The following CRYBG2 variants were observed in gnomAD, a reference collection of about 807,000 sequenced individuals.
CRYBG2 encodes the protein beta/gamma crystallin domain-containing protein 2.
A neutral mutation model predicts 153.4 loss-of-function variants in CRYBG2; 106 were observed. The ratio of observed to expected loss-of-function variants is 0.69; its 90% CI spans 0.59 to 0.81. The LOEUF (loss-of-function observed/expected upper bound fraction) is 0.81. Ranked by LOEUF, CRYBG2 falls within the 30% of genes least tolerant of loss-of-function variation. The pLI, the probability that CRYBG2 is intolerant of heterozygous loss-of-function variation, is 0.00. For synonymous variants in CRYBG2, 851 were observed against 877.8 expected (o/e 0.97, Z 0.54); for missense variants, 1,996 against 2,112.0 (o/e 0.95, Z 1.08).
At position 26,339,303 on chromosome 1, in the gene CRYBG2, C is replaced by G; in HGVS notation, c.3331G>C (p.Val1111Leu). ...EKPLQVASAT[V>L]SAGLWLLYPK... is the part of the protein sequence containing the mutation. Reference sequence around the variant, plus strand: ...GACCAGACTCACAGTCCTGCAGAGACGGTGGCAGATGCCACCTGCAGGGGC... The same window carrying G: ...GACCAGACTCACAGTCCTGCAGAGAGGGTGGCAGATGCCACCTGCAGGGGC... Residue 1111 changes from valine (V) to leucine (L), a missense_variant, in exon 6 of 20, where the codon GTC becomes CTC. Val to Leu is a conservative substitution (Grantham distance 32, BLOSUM62 1). Transcript: ENST00000308182. 1.2e-6 allele frequency: 2 copies of G among 1,613,930 alleles called. No homozygotes were observed. The highest frequency in any genetic ancestry group is 1.1e-5 in the South Asian group (1 of 91,044).
chr1:26,337,336 G>A lies in CRYBG2; in HGVS notation c.3688C>T (p.Leu1230=). The A allele has an allele frequency of 6.2e-7, 1 of 1,614,050 alleles. No homozygotes were observed. Residue 1230 remains leucine (L), a synonymous_variant, in exon 10 of 20, where the codon CTG becomes TTG. Coordinates refer to ENST00000308182, the MANE Select transcript of CRYBG2 (RefSeq NM_001039775.4). ...TCTGGGTATTCCCCCTCCTCCAGCA[G>A]ATACTGGTGGCCCCGGAAGCCCTCC... ...EKEGFRGHQY[L]LEEGEYPDWS...
rs564528898 is a variant in CRYBG2, at chr1:26,327,561, A to G, written c.4578+648T>C. ...CTACTTCGGAGGATGAGGTAGGAGA[A>G]TCACTTGAATCTGGGAAGCGGAGGT... On this transcript the variant is annotated intron_variant, in intron 17 of 19. Transcript: ENST00000308182. Among the ~76,000 whole-genome samples the G allele has an allele frequency of 4.6e-5, 7 of 152,222 alleles. No homozygotes were observed. The South Asian group carries it at 1.5e-3, about 32-fold the overall frequency.
intron 5 of CRYBG2, 58 bp downstream of exon 5, chr1:26,342,696 G>A: frequency 1.3e-6 from 2 of 1,588,944 alleles, no homozygotes; most frequent in African/African-American, 1.3e-5. Flanking sequence ...ACTGCTCCTG[G>A]CCTCGGGGAT....
chr1:26,339,700 C>T (rs1447269589), intron 5 of CRYBG2, among the ~76,000 whole-genome samples: 2 of 151,544 alleles, frequency 1.3e-5, no homozygotes, highest in African/African-American at 4.9e-5. Flanking sequence ...CATGCCATTG[C>T]ACTCAAGCCT....
At chr1:26,331,288 C>T (rs1020374956) in intron 15 of CRYBG2, among the ~76,000 whole-genome samples, 2 of 152,204 alleles carry the variant, frequency 1.3e-5, no homozygotes, top group Admixed American at 6.5e-5. Flanking sequence ...CTTTCCATGT[C>T]CCCAGGTCCT....
rs764236158 is a variant in CRYBG2, at chr1:26,339,239, C to T, written c.3344+51G>A. On this transcript the variant is annotated intron_variant, in intron 6 of 19. Transcript: ENST00000308182. ...TTCTGTCACCTCTGTGTCCCCAGCA[C>T]CCAGCACAGTGAATGTCAAATGAGG... is the stretch of plus-strand genomic sequence containing the variant. 6.3e-6 allele frequency: 10 copies of T among 1,584,744 alleles called. No homozygotes were observed. In the South Asian group the frequency reaches 1.2e-4, roughly 18 times the overall value.
intron 14 of CRYBG2, among the ~76,000 whole-genome samples, chr1:26,333,399 C>G (rs1432671080): frequency 6.6e-6 from 1 of 152,096 alleles, no homozygotes; most frequent in African/African-American, 2.4e-5. Flanking sequence ...AACCCCATCT[C>G]TGCTAAAAAT....
Position 26,328,741 on chromosome 1 carries a change from C to G in CRYBG2, c.4447G>C (p.Gly1483Arg). The change falls in exon 16 of 20, where the codon GGG (glycine) becomes CGG (arginine). Residue 1483 changes from glycine to arginine, a missense_variant. By Grantham distance (125) the Gly-to-Arg change is moderately radical (BLOSUM62 -2). Transcript: ENST00000308182. Reference sequence around the variant, plus strand: ...CCTCCCCTCAGCACTCACATGCCCCCCTTGATCCGCACAGACAGCACATGG... The same window carrying G: ...CCTCCCCTCAGCACTCACATGCCCCGCTTGATCCGCACAGACAGCACATGG... ...NNHVLSVRIK[G>R]GIWVLCEHSD... 1.2e-6 allele frequency: 2 copies of G among 1,613,502 alleles called. No individual in the cohort carries two copies. The highest frequency in any genetic ancestry group is 1.7e-6 in the Non-Finnish European group (2 of 1,179,726).
intron 1 of CRYBG2, among the ~76,000 whole-genome samples, chr1:26,350,154 C>G (rs982770787): frequency 6.6e-6 from 1 of 152,150 alleles, no homozygotes; most frequent in African/African-American, 2.4e-5. Context: ...GACACCTGAA[C>G]TAGCACCTCA....
intron 1 of CRYBG2, among the ~76,000 whole-genome samples, chr1:26,351,383 C>T (rs1049611625): frequency 2.6e-5 from 4 of 152,170 alleles, no homozygotes; most frequent in Non-Finnish European, 5.9e-5. Context: ...AGCTTGAGCT[C>T]TAACTCATTC....
At chr1:26,341,058 G>T (rs888710658) in intron 5 of CRYBG2, among the ~76,000 whole-genome samples, 1 of 152,066 alleles carries the variant, frequency 6.6e-6, no homozygotes, top group African/African-American at 2.4e-5. Flanking sequence ...CGAAAATCAG[G>T]CCGGGCGCAG....
chr1:26,342,646 G>C, intron 5 of CRYBG2, 108 bp downstream of exon 5: 1 of 1,502,318 alleles, frequency 6.7e-7, no homozygotes, highest in Non-Finnish European at 9.0e-7. Context: ...CGATCCACCT[G>C]CCTTGGCTTC....
At chr1:26,332,632 G>A (rs2074010494) in intron 14 of CRYBG2, among the ~76,000 whole-genome samples, 1 of 151,966 alleles carries the variant, frequency 6.6e-6, no homozygotes, top group African/African-American at 2.4e-5. Flanking sequence ...TCAGCCTCCT[G>A]AGTAGCTGGG....
In CRYBG2 at chr1:26,343,950, C is replaced by T. The variant is rs754601937; in HGVS notation, c.2708G>A (p.Arg903His). ...GCCGAACAGAAGGCTGCCTCCAAGACGGGAAGTGGGCCTGCTGCCTCCCTG... is the reference window on the plus strand; with the variant it reads ...GCCGAACAGAAGGCTGCCTCCAAGATGGGAAGTGGGCCTGCTGCCTCCCTG... The part of the protein sequence containing the change: ...ELQGGSRPTS[R>H]LGGSLLFGSL... The change falls in exon 2 of 20, where the codon CGT becomes CAT. Residue 903 changes from arginine to histidine, a missense_variant. Physicochemically the swap from Arg to His is conservative, Grantham distance 29. Transcript: ENST00000308182. This position sits in a 1 kb window ranked among gnomAD's most constrained non-coding sequence, Gnocchi z 4.1. The T allele has an allele frequency of 2.1e-5, 33 of 1,539,130 alleles. No homozygotes were observed. The highest frequency in any genetic ancestry group is 1.5e-4 in the African/African-American group (11 of 73,032).
chr1:26,322,330 C>T lies in CRYBG2; in HGVS notation c.4738-7G>A, dbSNP rs1388540602. 3.1e-6 allele frequency: 5 copies of T among 1,607,246 alleles called. No individual in the cohort carries two copies. In the Admixed American group the frequency reaches 5.0e-5, roughly 16 times the overall value. ...GGCTCATGGTGGGGGCCATCTGAGG[C>T]CCCAGGAGGTCATCAGGCATTGTTC... On this transcript the variant is annotated splice_polypyrimidine_tract_variant and splice_region_variant and intron_variant, in intron 18 of 19. Transcript: ENST00000308182.
intron 1 of CRYBG2, among the ~76,000 whole-genome samples, chr1:26,347,142 A>G (rs1404352822): frequency 6.6e-6 from 1 of 152,156 alleles, no homozygotes; most frequent in African/African-American, 2.4e-5. Flanking sequence ...TTCAGGGAAG[A>G]TGGGCTTTGG....
chr1:26,324,284 A>C lies in CRYBG2; in HGVS notation c.4605T>G (p.Asn1535Lys), dbSNP rs555304646. Residue 1535 changes from asparagine (N) to lysine (K), a missense_variant, in exon 18 of 20, where the codon AAT becomes AAG. By Grantham distance (94) the Asn-to-Lys change is moderately conservative. Coordinates refer to ENST00000308182, the MANE Select transcript of CRYBG2 (RefSeq NM_001039775.4). ...CTGCCAGGAATCCCCCCAGTGCTGC[A>C]TTCCAGAGGCGGAAATAAACCCGGC... is the stretch of plus-strand genomic sequence containing the variant. Reference protein sequence around the residue: ...KQRRVYFRLWNAALGGFLAVP... With the variant: ...KQRRVYFRLWKAALGGFLAVP... The C allele has an allele frequency of 1.2e-6, 2 of 1,609,704 alleles. No individual in the cohort carries two copies. Among genetic ancestry groups the C allele is most frequent in the East Asian group, 4.5e-5 (2 of 44,872 alleles).
rs904619184 is a variant in CRYBG2, at chr1:26,350,281, T to C, written c.-55-3569A>G. Among the ~76,000 whole-genome samples the C allele has an allele frequency of 9.2e-5, 14 of 152,138 alleles. No homozygotes were observed. The South Asian group carries it at 2.5e-3, about 27-fold the overall frequency. ...GCTTCCAGGTTCAGGTATTCCATTATAAGCAACAGAAAATAGACTAAGCTC... is the reference window on the plus strand; with the variant it reads ...GCTTCCAGGTTCAGGTATTCCATTACAAGCAACAGAAAATAGACTAAGCTC... On this transcript the variant is annotated intron_variant, in intron 1 of 19. Transcript: ENST00000308182.
intron 15 of CRYBG2, among the ~76,000 whole-genome samples, chr1:26,329,510 C>T (rs1346867263): frequency 1.3e-5 from 2 of 148,544 alleles, no homozygotes; most frequent in South Asian, 2.1e-4. Context: ...GATAGGGTCT[C>T]GCTCTGTTGC....
Sources: allele counts gnomAD v4.1 joint callset (sites outside exome capture counted in the v4.1 genomes callset), GRCh38; gene constraint gnomAD v4.1.1; non-coding constraint Gnocchi (gnomAD v3.1); transcripts MANE v1.5; gene names NCBI Gene and HGNC (gene_info 2026-07-23, HGNC 2026-07-21).